Variants in XNDC1N observed in about 807,000 individuals in gnomAD.
XNDC1N encodes the protein XRCC1 N-terminal domain containing 1, N-terminal like, also known as protein XNDC1N.
chr11:71,873,251 C>T, the XNDC1N span, among the ~76,000 whole-genome samples: 3 of 152,030 alleles, frequency 2.0e-5, no homozygotes, highest in Non-Finnish European at 4.4e-5. Flanking sequence ...GTCTTGAAAA[C>T]CATAAATGTC....
At chr11:71,918,898 G>C in the XNDC1N span, 2 of 702,622 alleles carry the variant, frequency 2.8e-6, no homozygotes, top group African/African-American at 3.5e-5. Context: ...CATCAATGTA[G>C]CCAGTGGGCA....
the XNDC1N span, among the ~76,000 whole-genome samples, chr11:71,909,588 A>T: frequency 6.6e-6 from 1 of 152,238 alleles, no homozygotes; most frequent in South Asian, 2.1e-4. Flanking sequence ...TCAGAATGAT[A>T]GTCAGGGGTG....
chr11:71,908,777 G>A, the XNDC1N span, among the ~76,000 whole-genome samples: 3 of 152,190 alleles, frequency 2.0e-5, no homozygotes, highest in African/African-American at 7.2e-5. Context: ...AGCGAAGAAA[G>A]GCGGAGAGTC....
At chr11:71,894,674 G>C in the XNDC1N span, among the ~76,000 whole-genome samples, 1 of 152,168 alleles carries the variant, frequency 6.6e-6, no homozygotes, top group Non-Finnish European at 1.5e-5. Flanking sequence ...CTGTCATCCA[G>C]GTGGAATCAC....
chr11:71,928,275 G>T, the XNDC1N span: 3 of 572,898 alleles, frequency 5.2e-6, no homozygotes, highest in South Asian at 4.3e-5. Context: ...CAGCTCATCG[G>T]GAACAGGCTG....
the XNDC1N span, among the ~76,000 whole-genome samples, chr11:71,883,466 A>G: frequency 6.6e-6 from 1 of 152,184 alleles, no homozygotes; most frequent in Admixed American, 6.5e-5. Flanking sequence ...CCTTCAACAA[A>G]CATGCGAAGA....
chr11:71,921,990 T>C, the XNDC1N span, among the ~76,000 whole-genome samples: 1 of 151,876 alleles, frequency 6.6e-6, no homozygotes, highest in Non-Finnish European at 1.5e-5. Flanking sequence ...TGAAACCCCA[T>C]CTCTACTAAA....
the XNDC1N span, among the ~76,000 whole-genome samples, chr11:71,896,968 G>C: frequency 6.6e-6 from 1 of 152,166 alleles, no homozygotes; most frequent in Non-Finnish European, 1.5e-5. Flanking sequence ...TGCTAAGAAA[G>C]CTCATTGGTG....
the XNDC1N span, among the ~76,000 whole-genome samples, chr11:71,910,739 T>C: frequency 6.6e-6 from 1 of 152,170 alleles, no homozygotes; most frequent in Admixed American, 6.5e-5. Context: ...AGCAGGTCAT[T>C]TGCCATCTAG....
the XNDC1N span, among the ~76,000 whole-genome samples, chr11:71,918,249 T>C: frequency 6.6e-6 from 1 of 152,202 alleles, no homozygotes; most frequent in African/African-American, 2.4e-5. Flanking sequence ...CTGACACAGA[T>C]ATTTACAGGT....
At chr11:71,902,982 AAC>A in the XNDC1N span, among the ~76,000 whole-genome samples, 1 of 152,240 alleles carries the variant, frequency 6.6e-6, no homozygotes, top group African/African-American at 2.4e-5. Flanking sequence ...AGACGTGAAT[AAC>A]ACAGCAATCG....
chr11:71,898,564 G>A, the XNDC1N span, among the ~76,000 whole-genome samples: 3 of 152,266 alleles, frequency 2.0e-5, no homozygotes, highest in South Asian at 2.1e-4. Context: ...GCGACATCAC[G>A]CCACTGCACT....
At chr11:71,865,604 C>A in the XNDC1N span, 8 of 175,038 alleles carry the variant, frequency 4.6e-5, no homozygotes, top group Admixed American at 4.5e-4. Flanking sequence ...GCAGAGGAGC[C>A]TCTAATTTCT....
the XNDC1N span, among the ~76,000 whole-genome samples, chr11:71,919,929 C>CTTCTTTTT: frequency 2.8e-3 from 75 of 26,630 alleles, 2 homozygotes; most frequent in Non-Finnish European, 4.4e-3. Context: ...AAGCAGGCCT[C>CTTCTTTTT]TTTTTTTTTT....
At chr11:71,884,205 T>A in the XNDC1N span, 4 of 487,522 alleles carry the variant, frequency 8.2e-6, no homozygotes, top group Non-Finnish European at 1.4e-5. Flanking sequence ...AACTACTGCC[T>A]CATTTACTAC....
At chr11:71,877,720 T>C in the XNDC1N span, among the ~76,000 whole-genome samples, 1 of 152,234 alleles carries the variant, frequency 6.6e-6, no homozygotes, top group Admixed American at 6.5e-5. Flanking sequence ...TTCTGGTGTT[T>C]ATGTTCATTT....
the XNDC1N span, chr11:71,894,496 GT>G: frequency 8.5e-4 from 135 of 158,268 alleles, 1 homozygote; most frequent in Middle Eastern, 3.1e-3. Flanking sequence ...CATTATTTTT[GT>G]GGCTTGATGG....
At chr11:71,867,946 C>T in the XNDC1N span, among the ~76,000 whole-genome samples, 30,958 of 152,082 alleles carry the variant, frequency 0.2, 5,905 homozygotes, top group African/African-American at 0.5. Context: ...CCCTAATAAC[C>T]TGTTTTATGA....
the XNDC1N span, among the ~76,000 whole-genome samples, chr11:71,889,093 T>G: frequency 6.6e-6 from 1 of 152,176 alleles, no homozygotes; most frequent in Non-Finnish European, 1.5e-5. Flanking sequence ...CCAGGCCACT[T>G]CAGCCTAGAA....
Sources: allele counts gnomAD v4.1 joint callset (sites outside exome capture counted in the v4.1 genomes callset), GRCh38; gene constraint gnomAD v4.1.1; transcripts MANE v1.5; gene names NCBI Gene and HGNC (gene_info 2026-07-23, HGNC 2026-07-21).